The following B4GALT1 variants were observed in gnomAD, a reference collection of about 807,000 sequenced individuals.
B4GALT1 encodes N-acetyllactosamine synthase.
A neutral mutation model predicts 34.9 loss-of-function variants in B4GALT1; 16 were observed. The observed-to-expected ratio is 0.46, with a 90% confidence interval of 0.31 to 0.70. B4GALT1 has a LOEUF of 0.70. Among genes scored for constraint, B4GALT1 ranks in the 30% least tolerant of loss-of-function variants. B4GALT1 has a pLI of 0.05. For synonymous variants in B4GALT1, 221 were observed against 218.1 expected, an observed-to-expected ratio of 1.01 and a Z score of -0.12; for missense variants, 445 against 530.5, an observed-to-expected ratio of 0.84 and a Z score of 1.58.
the B4GALT1 span, among the ~76,000 whole-genome samples, chr9:33,180,656 C>T: frequency 6.6e-6 from 1 of 152,188 alleles, no homozygotes; most frequent in Non-Finnish European, 1.5e-5. Flanking sequence ...ATTTCGACAC[C>T]ATTCCTGCCT....
intron 1 of B4GALT1, among the ~76,000 whole-genome samples, chr9:33,158,594 C>G (rs1343124203): frequency 6.6e-6 from 1 of 152,188 alleles, no homozygotes; most frequent in Non-Finnish European, 1.5e-5. Flanking sequence ...TTACTTTTAG[C>G]AGTAGACTCC....
At chr9:33,150,275 G>C (rs1223472382) in intron 1 of B4GALT1, among the ~76,000 whole-genome samples, 65 of 149,730 alleles carry the variant, frequency 4.3e-4, no homozygotes, top group South Asian at 1.3e-3. Context: ...CAGAGCGAGA[G>C]AGAGAGAGAG....
At chr9:33,127,024 C>T (rs1213128848) in intron 2 of B4GALT1, among the ~76,000 whole-genome samples, 2 of 152,034 alleles carry the variant, frequency 1.3e-5, no homozygotes, top group Non-Finnish European at 1.5e-5. Context: ...TGCAGTGGCG[C>T]GATCTCGGCT....
At chr9:33,131,696 A>G (rs1353802906) in intron 2 of B4GALT1, among the ~76,000 whole-genome samples, 1 of 152,246 alleles carries the variant, frequency 6.6e-6, no homozygotes, top group African/African-American at 2.4e-5. Context: ...CTAACAGCCC[A>G]TAAGGTTTAT....
the B4GALT1 span, among the ~76,000 whole-genome samples, chr9:33,175,021 A>ATATATATATATATAT: frequency 1.4e-3 from 81 of 58,610 alleles, no homozygotes; most frequent in Middle Eastern, 0.011. Context: ...ATATATATAT[A>ATATATATATATATAT]AAATTGGAGG....
downstream of B4GALT1, among the ~76,000 whole-genome samples, chr9:33,109,978 A>T (rs1839835173): frequency 6.6e-6 from 1 of 152,214 alleles, no homozygotes; most frequent in Non-Finnish European, 1.5e-5. Context: ...GTCCTGTTTG[A>T]AGGCCAGATC....
At chr9:33,106,777 G>T (rs758044012), downstream of B4GALT1, among the ~76,000 whole-genome samples, 1 of 152,174 alleles carries the variant, frequency 6.6e-6, no homozygotes, top group Non-Finnish European at 1.5e-5. Flanking sequence ...AAGGTTAGTC[G>T]CAGGGCAAGA....
intron 1 of B4GALT1, among the ~76,000 whole-genome samples, chr9:33,154,030 G>C (rs1013013530): frequency 3.4e-5 from 3 of 87,192 alleles, no homozygotes; most frequent in African/African-American, 1.4e-4. Flanking sequence ...AGGAAGGAAG[G>C]AAGGGAGGGA....
At chr9:33,151,661 A>G (rs1300001853) in intron 1 of B4GALT1, among the ~76,000 whole-genome samples, 1 of 152,200 alleles carries the variant, frequency 6.6e-6, no homozygotes, top group East Asian at 1.9e-4. Flanking sequence ...AATAAATGTT[A>G]CTTTCCCTTC....
At chr9:33,160,357 C>T (rs1353936077) in intron 1 of B4GALT1, among the ~76,000 whole-genome samples, 1 of 152,060 alleles carries the variant, frequency 6.6e-6, no homozygotes, top group Non-Finnish European at 1.5e-5. Context: ...TATGATACTG[C>T]CTTTGTGATT....
intron 1 of B4GALT1, among the ~76,000 whole-genome samples, chr9:33,152,235 C>T (rs2118251742): frequency 6.6e-6 from 1 of 151,982 alleles, no homozygotes; most frequent in South Asian, 2.1e-4. Flanking sequence ...ACCCAGGAGG[C>T]AGAGGTTGCA....
chr9:33,160,691 G>C (rs899468488), intron 1 of B4GALT1, among the ~76,000 whole-genome samples: 1 of 152,076 alleles, frequency 6.6e-6, no homozygotes. Flanking sequence ...CGCTTAGCCC[G>C]AGAGGTCGAG....
chr9:33,172,504 G>C, the B4GALT1 span, among the ~76,000 whole-genome samples: 2 of 152,276 alleles, frequency 1.3e-5, no homozygotes, highest in Admixed American at 1.3e-4. Flanking sequence ...ATCTCAAGCA[G>C]AGGGAGTTTT....
At chr9:33,109,271 C>T (rs909795285), downstream of B4GALT1, among the ~76,000 whole-genome samples, 8 of 152,178 alleles carry the variant, frequency 5.3e-5, no homozygotes, top group Admixed American at 3.9e-4. Context: ...TAGCTGAACA[C>T]GTGGAGGTGT....
chr9:33,164,952 GGT>G (rs1027563510), intron 1 of B4GALT1, among the ~76,000 whole-genome samples: 23 of 147,128 alleles, frequency 1.6e-4, no homozygotes, highest in African/African-American at 4.8e-4. Flanking sequence ...ATTATTATAC[GGT>G]GTATTGAGTG....
At chr9:33,174,220 G>C in the B4GALT1 span, 1 of 153,084 alleles carries the variant, frequency 6.5e-6, no homozygotes, top group Non-Finnish European at 1.5e-5. Context: ...TGTAGTGAGG[G>C]CAGTACTGCT....
chr9:33,104,523 G>T (rs1056857082), exon 3 of B4GALT1: 10 of 336,140 alleles, frequency 3.0e-5, no homozygotes, highest in South Asian at 1.2e-4. Context: ...GACTCCTTAG[G>T]GGAGGACAGC....
At chr9:33,127,057 G>A (rs2118103643) in intron 2 of B4GALT1, among the ~76,000 whole-genome samples, 1 of 152,256 alleles carries the variant, frequency 6.6e-6, no homozygotes, top group African/African-American at 2.4e-5. Flanking sequence ...CGCCTCCCGG[G>A]TTCATATCAT....
intron 1 of B4GALT1, among the ~76,000 whole-genome samples, chr9:33,135,985 G>A (rs1357299957): frequency 6.6e-6 from 1 of 151,524 alleles, no homozygotes; most frequent in African/African-American, 2.4e-5. Flanking sequence ...GCTTCGAAGT[G>A]GAAGGTAGCA....
Sources: gnomAD v4.1 joint callset for allele counts (sites outside exome capture counted in the v4.1 genomes callset) on GRCh38, gnomAD v4.1.1 for gene constraint, MANE v1.5 for transcripts, NCBI Gene and HGNC (gene_info 2026-07-23, HGNC 2026-07-21) for gene names.